SOX6: variants seen among roughly 807,000 people sequenced by gnomAD.
SOX6 encodes transcription factor SOX-6.
In SOX6, 11 loss-of-function variants were observed where a neutral mutation model predicts 97.8. The ratio of observed to expected loss-of-function variants is 0.11; its 90% CI spans 0.07 to 0.19. The LOEUF (loss-of-function observed/expected upper bound fraction) is 0.19. SOX6 is among the 10% of genes least tolerant of loss of function. The pLI, the probability that SOX6 is intolerant of heterozygous loss-of-function variation, is 1.00. For synonymous variants in SOX6, 360 were observed against 371.4 expected (o/e 0.97, Z 0.35); for missense variants, 810 against 1,039.5 (o/e 0.78, Z 3.04).
chr11:16,692,056 C>CGTGTGTGTGTGTGT (rs755479047), intron 3 of SOX6, among the ~76,000 whole-genome samples: 91 of 144,376 alleles, frequency 6.3e-4, no homozygotes, highest in Admixed American at 2.3e-3. Flanking sequence ...TTTGCGTGTG[C>CGTGTGTGTGTGTGT]GTGTGTGTGT....
At chr11:16,393,577 A>T (rs1858253118) in intron 1 of SOX6, among the ~76,000 whole-genome samples, 1 of 152,044 alleles carries the variant, frequency 6.6e-6, no homozygotes, top group Admixed American at 6.6e-5. Flanking sequence ...ACATGGCTTC[A>T]TTTGAGCCAC....
At chr11:16,442,828 T>A (rs535599067) in intron 1 of SOX6, among the ~76,000 whole-genome samples, 4 of 152,158 alleles carry the variant, frequency 2.6e-5, no homozygotes, top group Non-Finnish European at 4.4e-5. Flanking sequence ...CTAAAAAGTA[T>A]GTGTCAGGAG....
intron 15 of SOX6, among the ~76,000 whole-genome samples, chr11:15,980,855 C>T (rs895468294): frequency 6.6e-6 from 1 of 151,964 alleles, no homozygotes; most frequent in Non-Finnish European, 1.5e-5. Flanking sequence ...ATATGCAGTG[C>T]TGTGCCATGT....
intron 4 of SOX6, among the ~76,000 whole-genome samples, chr11:16,504,041 T>G (rs915771220): frequency 7.6e-6 from 1 of 131,144 alleles, no homozygotes; most frequent in Non-Finnish European, 1.6e-5. Context: ...AAACTCCATC[T>G]CAAAAATAAA....
At chr11:16,237,700 C>T (rs1167644873) in intron 3 of SOX6, among the ~76,000 whole-genome samples, 1 of 151,836 alleles carries the variant, frequency 6.6e-6, no homozygotes, top group African/African-American at 2.4e-5. Flanking sequence ...ACTGAACAGC[C>T]CCAAGACACT....
At chr11:16,403,310 T>C (rs957638261) in intron 1 of SOX6, among the ~76,000 whole-genome samples, 5 of 151,714 alleles carry the variant, frequency 3.3e-5, no homozygotes, top group African/African-American at 7.2e-5. Flanking sequence ...TCTGGTCTTG[T>C]CCATTGAATC....
chr11:16,199,648 T>C (rs1268073438), intron 4 of SOX6, among the ~76,000 whole-genome samples: 1 of 152,198 alleles, frequency 6.6e-6, no homozygotes, highest in Non-Finnish European at 1.5e-5. Flanking sequence ...GGAGATACAG[T>C]GATATTAAAA....
chr11:16,220,438 C>A (rs1590040304), intron 4 of SOX6, among the ~76,000 whole-genome samples: 2 of 151,942 alleles, frequency 1.3e-5, no homozygotes, highest in Non-Finnish European at 2.9e-5. Flanking sequence ...CTAGATTATT[C>A]AAAAATGTTT....
intron 1 of SOX6, among the ~76,000 whole-genome samples, chr11:16,349,285 C>T (rs1440254411): frequency 6.6e-6 from 1 of 152,024 alleles, no homozygotes; most frequent in African/African-American, 2.4e-5. Context: ...AATATAGGGG[C>T]TTTTTCCATC....
chr11:16,091,000 A>T (rs1848673696), intron 9 of SOX6, among the ~76,000 whole-genome samples: 1 of 152,134 alleles, frequency 6.6e-6, no homozygotes, highest in East Asian at 1.9e-4. Context: ...ACAATGAAAA[A>T]AACTGCAAAT....
Position 16,046,629 on chromosome 11 carries a change from G to T in SOX6, c.1508C>A (p.Ala503Glu). The T allele has an allele frequency of 6.2e-7, 1 of 1,613,720 alleles. No homozygotes were observed. The highest frequency in any genetic ancestry group is 1.1e-5 in the South Asian group (1 of 91,076). Residue 503 changes from alanine to glutamate, a missense_variant, in exon 12 of 16, where the codon GCG (alanine) becomes GAG (glutamate). By Grantham distance (107) the Ala-to-Glu change is moderately radical (BLOSUM62 -1). Around this residue, in one of 9 missense-constraint regions of SOX6, gnomAD observed 120 missense variants for 127.0 expected, o/e 0.94. Transcript: ENST00000683767. The stretch of plus-strand genomic sequence containing the variant: ...CTGGATCTGCTCTCGCATCTTCCGC[G>T]CCTCCTGAATGGCTTTCATCACTGT... ...QDTVMKAIQE[A>E]RKMREQIQRE...
chr11:16,069,627 T>G (rs555885736), intron 9 of SOX6, among the ~76,000 whole-genome samples: 8 of 152,210 alleles, frequency 5.3e-5, no homozygotes, highest in Non-Finnish European at 1.0e-4. Flanking sequence ...ATTATAATCA[T>G]GTTAAGGTGT....
chr11:16,095,948 A>G, intron 9 of SOX6, 48 bp downstream of exon 9: 3 of 1,599,326 alleles, frequency 1.9e-6, no homozygotes, highest in Non-Finnish European at 2.6e-6. Flanking sequence ...AGTATGACTG[A>G]ACAATCCAGT....
intron 1 of SOX6, among the ~76,000 whole-genome samples, chr11:16,365,015 G>A (rs1205920775): frequency 6.6e-6 from 1 of 152,068 alleles, no homozygotes; most frequent in Non-Finnish European, 1.5e-5. Context: ...GTTACCCAGA[G>A]TCAACCAAAG....
chr11:16,628,396 G>T (rs535347273), intron 3 of SOX6, among the ~76,000 whole-genome samples: 1 of 151,906 alleles, frequency 6.6e-6, no homozygotes, highest in Non-Finnish European at 1.5e-5. Context: ...GGCCGAGGTG[G>T]GTGGATCACT....
chr11:16,336,360 A>G (rs143496095), intron 2 of SOX6, among the ~76,000 whole-genome samples: 32 of 152,172 alleles, frequency 2.1e-4, no homozygotes, highest in African/African-American at 7.5e-4. Context: ...GGTCTCACCA[A>G]CGTCATTTCT....
intron 3 of SOX6, among the ~76,000 whole-genome samples, chr11:16,278,415 T>C (rs549652890): frequency 6.6e-6 from 1 of 152,212 alleles, no homozygotes; most frequent in South Asian, 2.1e-4. Context: ...GGTACAAACA[T>C]AAAACAATAC....
At chr11:15,992,662 A>G (rs1033709873) in intron 13 of SOX6, among the ~76,000 whole-genome samples, 2 of 152,180 alleles carry the variant, frequency 1.3e-5, no homozygotes, top group East Asian at 3.9e-4. Flanking sequence ...CTAGATTTAT[A>G]ATATCTGAAT....
Position 16,605,275 on chromosome 11 carries a change from C to T in SOX6, n.609+6806G>A, listed in dbSNP as rs1446984329. 6.6e-6 allele frequency among the ~76,000 whole-genome samples: 1 copy of T among 152,094 alleles called. No individual in the cohort carries two copies. Among genetic ancestry groups the T allele is most frequent in the East Asian group, 1.9e-4 (1 of 5,136 alleles). On this transcript the variant is annotated intron_variant and non_coding_transcript_variant, in intron 4 of 5. Transcript: ENST00000524520. The surrounding 1 kb of genome is among the most constrained non-coding windows in gnomAD (Gnocchi z 5.3). ...AACGTGCCGGCGACCGTGCGCTCGGCCGGGTGACTCCCTGGCGAAGTCCGC... is the reference window on the plus strand; with the variant it reads ...AACGTGCCGGCGACCGTGCGCTCGGTCGGGTGACTCCCTGGCGAAGTCCGC...
Sources: gnomAD v4.1 joint callset for allele counts (sites outside exome capture counted in the v4.1 genomes callset) on GRCh38, gnomAD v4.1.1 for gene constraint, gnomAD v4.1.1 regional missense constraint, Gnocchi (gnomAD v3.1) non-coding constraint, MANE v1.5 for transcripts, NCBI Gene and HGNC (gene_info 2026-07-23, HGNC 2026-07-21) for gene names.